Variants in CLASP1 observed in about 807,000 individuals in gnomAD.
CLASP1 encodes the protein cytoplasmic linker associated protein 1, also known as CLIP-associating protein 1.
CLASP1 carries 38 observed loss-of-function variants against 192.3 expected under a neutral mutation model. The ratio of observed to expected loss-of-function variants is 0.20; its 90% CI spans 0.15 to 0.26. The LOEUF (loss-of-function observed/expected upper bound fraction) is 0.26, where lower values mean the gene tolerates loss of function less well. Among genes scored for constraint, CLASP1 ranks in the 10% least tolerant of loss-of-function variants. The pLI is 1.00. For synonymous variants in CLASP1, 691 were observed against 712.8 expected (o/e 0.97, Z 0.49); for missense variants, 1,433 against 1,932.5 (o/e 0.74, Z 4.85).
chr2:121,351,764 T>C (rs142333755), intron 37 of CLASP1, among the ~76,000 whole-genome samples: 323 of 152,356 alleles, frequency 2.1e-3, no homozygotes, highest in Middle Eastern at 0.01. Flanking sequence ...GGGTAAGTAC[T>C]GTGTACAGGT....
At chr2:121,352,913 A>G (rs2064766377) in intron 37 of CLASP1, among the ~76,000 whole-genome samples, 1 of 151,734 alleles carries the variant, frequency 6.6e-6, no homozygotes, top group Non-Finnish European at 1.5e-5. Context: ...CTCAGCCTCC[A>G]AAGTGCTGGG....
chr2:121,434,672 T>C (rs1465437075), intron 19 of CLASP1, among the ~76,000 whole-genome samples: 1 of 152,226 alleles, frequency 6.6e-6, no homozygotes, highest in Non-Finnish European at 1.5e-5. Context: ...TTCAAAAGTT[T>C]GCCTACTTGA....
intron 4 of CLASP1, among the ~76,000 whole-genome samples, chr2:121,528,378 T>C (rs111722141): frequency 0.011 from 1,672 of 152,320 alleles, 31 homozygotes; most frequent in African/African-American, 0.038. Flanking sequence ...AGCTCCCTCT[T>C]TTCAGAGAAT....
intron 37 of CLASP1, among the ~76,000 whole-genome samples, chr2:121,357,382 C>T (rs2065617259): frequency 6.6e-6 from 1 of 152,104 alleles, no homozygotes; most frequent in Non-Finnish European, 1.5e-5. Flanking sequence ...GACTTTAATG[C>T]TAGCCTCTCA....
At chr2:121,397,776 T>C (rs2075531168) in intron 29 of CLASP1, among the ~76,000 whole-genome samples, 1 of 152,244 alleles carries the variant, frequency 6.6e-6, no homozygotes, top group Non-Finnish European at 1.5e-5. Flanking sequence ...GTTAGACTCA[T>C]CCTAAAACCT....
chr2:121,557,670 A>G (rs1322735797), intron 2 of CLASP1, among the ~76,000 whole-genome samples: 1 of 151,856 alleles, frequency 6.6e-6, no homozygotes, highest in Non-Finnish European at 1.5e-5. Flanking sequence ...TTTTTAGTCT[A>G]CTGTAGAACC....
chr2:121,592,764 T>G lies in CLASP1; in HGVS notation c.195+12937A>C, dbSNP rs2062569154. Among the ~76,000 whole-genome samples the G allele has an allele frequency of 1.3e-5, 2 of 152,190 alleles. 1 individual carries two copies. Among genetic ancestry groups the G allele is most frequent in the Admixed American group, 1.3e-4 (2 of 15,282 alleles). On this transcript the variant is annotated intron_variant, in intron 2 of 39. Coordinates refer to ENST00000263710, the Ensembl canonical transcript of CLASP1. ...CCCCCCAGGGTTCACGCCATTCTCC[T>G]GCCTCAGCCTCCCGTGTAGCTGGGA...
At chr2:121,490,280 A>C in intron 8 of CLASP1, 1 of 455,244 alleles carries the variant, frequency 2.2e-6, no homozygotes. Context: ...TACCTTTCCC[A>C]GTAGTCATGA....
intron 37 of CLASP1, among the ~76,000 whole-genome samples, chr2:121,359,300 C>A (rs898128764): frequency 6.6e-6 from 1 of 152,198 alleles, no homozygotes; most frequent in Admixed American, 6.5e-5. Context: ...CACAGCAGAG[C>A]TGCTTATTCA....
chr2:121,370,529 T>C (rs571963296), intron 34 of CLASP1, among the ~76,000 whole-genome samples: 1 of 152,330 alleles, frequency 6.6e-6, no homozygotes, highest in East Asian at 1.9e-4. Flanking sequence ...TTCACCATGT[T>C]GGTCAGGATG....
In CLASP1 at chr2:121,367,851, C is replaced by G. The variant is rs1300727815; in HGVS notation, c.3643-20G>C. 1.2e-6 allele frequency: 2 copies of G among 1,609,740 alleles called. No homozygotes were observed. Among genetic ancestry groups the G allele is most frequent in the East Asian group, 4.5e-5 (2 of 44,832 alleles). On this transcript the variant is annotated intron_variant, in intron 34 of 39. Coordinates refer to ENST00000263710, the Ensembl canonical transcript of CLASP1. ...GGACACCTGCAGCACAGCACACTGT[C>G]AGTTCCCTTCTGGGACTTGTAATGG...
chr2:121,570,045 T>G (rs1037225686), intron 2 of CLASP1, among the ~76,000 whole-genome samples: 2 of 152,182 alleles, frequency 1.3e-5, no homozygotes, highest in Non-Finnish European at 2.9e-5. Context: ...AGGAAGATAT[T>G]TGCTGTTTTA....
At chr2:121,409,353 C>T (rs1297544480) in intron 24 of CLASP1, among the ~76,000 whole-genome samples, 1 of 152,196 alleles carries the variant, frequency 6.6e-6, no homozygotes, top group East Asian at 1.9e-4. Flanking sequence ...ATCTATTCCT[C>T]TGAGACATTC....
chr2:121,479,218 ATGCAGACTGGAT>A (rs2092387749), intron 8 of CLASP1, among the ~76,000 whole-genome samples: 2 of 152,064 alleles, frequency 1.3e-5, no homozygotes, highest in African/African-American at 4.8e-5. Flanking sequence ...AAAAAAAAGC[ATGCAGACTGGAT>A]TGGAAGAACT....
chr2:121,531,048 G>GT (rs751905499), intron 2 of CLASP1: 2 of 698,002 alleles, frequency 2.9e-6, no homozygotes, highest in African/African-American at 3.5e-5. Context: ...TCAAACAGCA[G>GT]TAATTCGTAA....
intron 7 of CLASP1, among the ~76,000 whole-genome samples, chr2:121,512,656 C>T (rs2094172243): frequency 6.6e-6 from 1 of 152,182 alleles, no homozygotes; most frequent in African/African-American, 2.4e-5. Context: ...TGGCCCTAAT[C>T]CCTAATTCCA....
intron 10 of CLASP1, 53 bp from the exon 11 acceptor site, chr2:121,461,246 T>G (rs1209011869): frequency 1.8e-5 from 18 of 980,404 alleles, no homozygotes; most frequent in Non-Finnish European, 2.6e-5. Context: ...AATAAACAGA[T>G]TATTTCTTAA....
At chr2:121,634,101 T>C (rs57669218) in intron 1 of CLASP1, among the ~76,000 whole-genome samples, 5,865 of 152,112 alleles carry the variant, frequency 0.039, 156 homozygotes, top group East Asian at 0.14. Context: ...ACCACATCTC[T>C]TTCCCCAACC....
At chr2:121,388,651 T>C (rs1040633095) in intron 30 of CLASP1, among the ~76,000 whole-genome samples, 4 of 152,186 alleles carry the variant, frequency 2.6e-5, no homozygotes, top group African/African-American at 9.7e-5. Context: ...ATGGATTTAG[T>C]AGCAGGCAAT....
Sources: allele counts gnomAD v4.1 joint callset (sites outside exome capture counted in the v4.1 genomes callset), GRCh38; gene constraint gnomAD v4.1.1; transcripts MANE v1.5; gene names NCBI Gene and HGNC (gene_info 2026-07-23, HGNC 2026-07-21).